Variants in EGF observed in about 807,000 individuals in gnomAD.
The protein encoded by EGF is pro-epidermal growth factor.
A neutral mutation model predicts 143.8 loss-of-function variants in EGF; 95 were observed. The ratio of observed to expected loss-of-function variants is 0.66; its 90% CI spans 0.56 to 0.78. The LOEUF is 0.78. EGF is among the 30% of genes least tolerant of loss of function. EGF has a pLI of 0.00. For missense variants in EGF, 1,320 were observed against 1,470.9 expected (o/e 0.90, Z 1.68); for synonymous variants, 510 against 510.5 (o/e 1.00, Z 0.01).
At position 110,012,729 on chromosome 4, in the gene EGF, T is replaced by C. The variant is rs780372674; in HGVS notation, c.*1274T>C. Among the ~76,000 whole-genome samples, 6 of 152,220 alleles carry C rather than the reference T, an allele frequency of 3.9e-5. No homozygotes were observed. The highest frequency in any genetic ancestry group is 2.0e-4 in the Admixed American group (3 of 15,278). On this transcript the variant is annotated 3_prime_UTR_variant, in exon 24 of 24. Coordinates refer to ENST00000265171, the MANE Select transcript of EGF (RefSeq NM_001963.6). ...CCCAGCCTTGTAACTTTTAAAAAAA[T>C]TTTTTAATCTACAACTCTGTAGATT...
rs759730707 is a variant in EGF, at chr4:109,994,873, G to T, written c.2998G>T (p.Ala1000Ser). The T allele has an allele frequency of 6.2e-7, 1 of 1,614,020 alleles. No individual in the cohort carries two copies. Among genetic ancestry groups the T allele is most frequent in the South Asian group, 1.1e-5 (1 of 91,084 alleles). Residue 1000 changes from alanine to serine, a missense_variant, in exon 20 of 24, where the codon GCA becomes TCA. Around this residue, in one of 5 missense-constraint regions of EGF, gnomAD observed 1,186 missense variants for 1,313.7 expected, o/e 0.90. Transcript: ENST00000265171. Reference sequence around the variant, plus strand: ...GTATATTGAAGCATTGGACAAGTATGCATGCAAGTAAGTTAAACTGTCTTG... The same window carrying T: ...GTATATTGAAGCATTGGACAAGTATTCATGCAAGTAAGTTAAACTGTCTTG... ...CMYIEALDKY[A>S]CNCVVGYIGE... is the part of the protein sequence containing the mutation.
At chr4:109,997,128 G>A (rs1751907177) in intron 20 of EGF, among the ~76,000 whole-genome samples, 1 of 152,056 alleles carries the variant, frequency 6.6e-6, no homozygotes, top group Non-Finnish European at 1.5e-5. Flanking sequence ...AGTGCTGATG[G>A]GTCAGGGATG....
chr4:109,976,670 AT>A, intron 13 of EGF, among the ~76,000 whole-genome samples: 1 of 152,278 alleles, frequency 6.6e-6, no homozygotes, highest in East Asian at 1.9e-4. Context: ...GGTGTCATAT[AT>A]TTTCATAAAT....
intron 11 of EGF, among the ~76,000 whole-genome samples, chr4:109,973,099 A>T (rs1307776715): frequency 2.0e-5 from 3 of 152,134 alleles, no homozygotes; most frequent in Non-Finnish European, 4.4e-5. Context: ...AGCCCTATTT[A>T]TATCCTGTCT....
intron 19 of EGF, 105 bp downstream of exon 19, chr4:109,993,474 G>T (rs373339964): frequency 1.1e-5 from 17 of 1,529,112 alleles, no homozygotes; most frequent in Non-Finnish European, 1.5e-5. Context: ...ATTCAGTTCA[G>T]GCAGGCTGCA....
intron 1 of EGF, among the ~76,000 whole-genome samples, chr4:109,939,693 C>A (rs963347408): frequency 6.6e-6 from 1 of 152,188 alleles, no homozygotes; most frequent in Non-Finnish European, 1.5e-5. Flanking sequence ...CCTCTTGTAG[C>A]TTTAATTCAA....
At chr4:109,921,166 G>T (rs527245084) in intron 1 of EGF, among the ~76,000 whole-genome samples, 6 of 151,614 alleles carry the variant, frequency 4.0e-5, no homozygotes, top group Non-Finnish European at 8.8e-5. Context: ...AATAATGCTT[G>T]TCAATATGTC....
In EGF at chr4:110,013,280, T is replaced by A. The variant is rs1754147921; in HGVS notation, c.*1825T>A. 6.6e-6 allele frequency among the ~76,000 whole-genome samples: 1 copy of A among 152,180 alleles called. No homozygotes were observed. The highest frequency in any genetic ancestry group is 1.5e-5 in the Non-Finnish European group (1 of 68,026). On this transcript the variant is annotated 3_prime_UTR_variant, in exon 24 of 24. Coordinates refer to ENST00000265171, the MANE Select transcript of EGF (RefSeq NM_001963.6). ...GATTAAATTTTTGTATTTTAGCACC[T>A]TTTTCTTTTAGGGGTTCAATGATGA...
At chr4:109,932,471 C>A (rs1251392897) in intron 1 of EGF, among the ~76,000 whole-genome samples, 1 of 149,018 alleles carries the variant, frequency 6.7e-6, no homozygotes, top group Non-Finnish European at 1.5e-5. Context: ...CTCCACCACC[C>A]GGGTTCACAC....
chr4:109,949,393 A>G (rs1427834706), intron 5 of EGF, among the ~76,000 whole-genome samples: 2 of 152,194 alleles, frequency 1.3e-5, no homozygotes, highest in African/African-American at 4.8e-5. Flanking sequence ...ATGGGATTTA[A>G]TGAGGTTACT....
Position 109,958,900 on chromosome 4 carries a change from A to G in EGF, c.941-412A>G, listed in dbSNP as rs189013888. Among the ~76,000 whole-genome samples, 816 of 132,526 alleles carry G rather than the reference A, an allele frequency of 6.2e-3. 8 individuals carry two copies. Among genetic ancestry groups the G allele is most frequent in the African/African-American group, 0.023 (787 of 34,656 alleles). 86.9% of individuals were successfully genotyped at this position (132,526 alleles called of 152,430 possible). On this transcript the variant is annotated intron_variant, in intron 5 of 23. Transcript: ENST00000265171. ...GCCACTGCACTCCAGCCTGGGTGACAGGGGGAGACCCTGTCTCAAAAAAAA... is the reference window on the plus strand; with the variant it reads ...GCCACTGCACTCCAGCCTGGGTGACGGGGGGAGACCCTGTCTCAAAAAAAA...
intron 10 of EGF, among the ~76,000 whole-genome samples, chr4:109,965,791 T>TC (rs1382493498): frequency 1.3e-5 from 2 of 152,118 alleles, no homozygotes; most frequent in East Asian, 3.8e-4. Context: ...AACAATATTA[T>TC]CAGGTGATTC....
intron 21 of EGF, among the ~76,000 whole-genome samples, chr4:110,000,328 C>G (rs1752412550): frequency 6.6e-6 from 1 of 150,916 alleles, no homozygotes; most frequent in Admixed American, 6.6e-5. Flanking sequence ...TCTGAAACAT[C>G]AGTGCTTTTA....
At chr4:110,003,064 T>C (rs1445075915) in intron 21 of EGF, among the ~76,000 whole-genome samples, 5 of 152,250 alleles carry the variant, frequency 3.3e-5, no homozygotes, top group Admixed American at 3.3e-4. Flanking sequence ...CAGTCTGTCA[T>C]TGATGGGCAT....
Position 109,944,038 on chromosome 4 carries a change from G to A in EGF, c.706G>A (p.Gly236Ser), listed in dbSNP as rs1440141911. 4.3e-6 allele frequency: 7 copies of A among 1,614,012 alleles called. No individual in the cohort carries two copies. Among genetic ancestry groups the A allele is most frequent in the Non-Finnish European group, 5.9e-6 (7 of 1,180,034 alleles). ...SLICSCDYDG[G>S]SVHISKHPTQ... is the part of the protein sequence containing the mutation. ...TATTTGCTCCTGTGATTATGATGGAGGTTCTGTCCACATTAGTAAACATCC... is the reference window on the plus strand; with the variant it reads ...TATTTGCTCCTGTGATTATGATGGAAGTTCTGTCCACATTAGTAAACATCC... Residue 236 changes from glycine to serine, a missense_variant, in exon 4 of 24, where the codon GGT (glycine) becomes AGT (serine). Gly to Ser is a moderately conservative substitution (Grantham distance 56, BLOSUM62 0). Around this residue, in one of 5 missense-constraint regions of EGF, gnomAD observed 1,186 missense variants for 1,313.7 expected, o/e 0.90. Coordinates refer to ENST00000265171, the MANE Select transcript of EGF (RefSeq NM_001963.6).
chr4:109,982,756 C>T (rs1018174119), intron 15 of EGF, among the ~76,000 whole-genome samples: 1 of 151,964 alleles, frequency 6.6e-6, no homozygotes, highest in Non-Finnish European at 1.5e-5. Flanking sequence ...ATTCCTTTTG[C>T]CATATCAGTA....
chr4:109,985,802 C>G (rs1750038383), intron 16 of EGF, among the ~76,000 whole-genome samples: 1 of 152,184 alleles, frequency 6.6e-6, no homozygotes, highest in Non-Finnish European at 1.5e-5. Flanking sequence ...ATTTTTGCCT[C>G]TCAGGAAGGC....
intron 1 of EGF, among the ~76,000 whole-genome samples, chr4:109,922,386 A>G (rs1737955517): frequency 6.6e-6 from 1 of 151,648 alleles, no homozygotes; most frequent in Non-Finnish European, 1.5e-5. Flanking sequence ...ACACCTACCT[A>G]CAAGAGGATA....
chr4:109,932,206 T>C (rs929472191), intron 1 of EGF, among the ~76,000 whole-genome samples: 4 of 151,624 alleles, frequency 2.6e-5, no homozygotes, highest in African/African-American at 9.7e-5. Context: ...CAGAACACAA[T>C]TATTTCTTCA....
Sources: gnomAD v4.1 joint callset for allele counts (sites outside exome capture counted in the v4.1 genomes callset) on GRCh38, gnomAD v4.1.1 for gene constraint, gnomAD v4.1.1 regional missense constraint, MANE v1.5 for transcripts, NCBI Gene and HGNC (gene_info 2026-07-23, HGNC 2026-07-21) for gene names.